The following DLG1 variants were observed in gnomAD, a reference collection of about 807,000 sequenced individuals.
DLG1 encodes disks large homolog 1.
In DLG1, 42 loss-of-function variants were observed where a neutral mutation model predicts 123.4. That is an observed-to-expected ratio of 0.34 (90% CI 0.27 to 0.44). The LOEUF is 0.44. Among genes scored for constraint, DLG1 ranks in the 20% least tolerant of loss-of-function variants. DLG1 has a pLI of 1.00. For synonymous variants in DLG1, 317 were observed against 356.2 expected, an observed-to-expected ratio of 0.89 and a Z score of 1.24; for missense variants, 942 against 1,082.6, an observed-to-expected ratio of 0.87 and a Z score of 1.82.
chr3:197,046,796 G>A (rs1173940517), intron 24 of DLG1, among the ~76,000 whole-genome samples: 1 of 152,108 alleles, frequency 6.6e-6, no homozygotes, highest in East Asian at 1.9e-4. Flanking sequence ...CTTGAGCCTG[G>A]GAGGTGGAGG....
At chr3:197,164,913 G>A (rs1396297110) in intron 5 of DLG1, among the ~76,000 whole-genome samples, 2 of 146,876 alleles carry the variant, frequency 1.4e-5, no homozygotes, top group Admixed American at 6.8e-5. Flanking sequence ...AACAGAGCAA[G>A]ACTATCTCAA....
At chr3:197,213,686 T>G (rs1336475369) in intron 4 of DLG1, among the ~76,000 whole-genome samples, 1 of 152,226 alleles carries the variant, frequency 6.6e-6, no homozygotes, top group East Asian at 1.9e-4. Context: ...GGCCAATCTC[T>G]ATGAAGAAAA....
intron 5 of DLG1, among the ~76,000 whole-genome samples, chr3:197,179,369 C>T (rs367946118): frequency 1.3e-5 from 2 of 152,214 alleles, no homozygotes; most frequent in East Asian, 1.9e-4. Flanking sequence ...GGTCAAAAAA[C>T]TGGTAGTCTC....
At chr3:197,113,834 A>G (rs548807733) in intron 13 of DLG1, among the ~76,000 whole-genome samples, 1 of 152,210 alleles carries the variant, frequency 6.6e-6, no homozygotes, top group East Asian at 1.9e-4. Context: ...TTCAGATTAG[A>G]TATAGATAAG....
At chr3:197,091,583 A>C (rs1190219951) in intron 14 of DLG1, among the ~76,000 whole-genome samples, 1 of 152,040 alleles carries the variant, frequency 6.6e-6, no homozygotes, top group Non-Finnish European at 1.5e-5. Flanking sequence ...ATCAAAATTC[A>C]AGACACAAAA....
intron 14 of DLG1, among the ~76,000 whole-genome samples, chr3:197,095,047 T>C (rs933548710): frequency 6.6e-6 from 1 of 152,228 alleles, no homozygotes. Context: ...GAGACTCCTA[T>C]TACATGCATG....
At chr3:197,290,584 A>G (rs1196456814) in intron 3 of DLG1, among the ~76,000 whole-genome samples, 1 of 152,192 alleles carries the variant, frequency 6.6e-6, no homozygotes, top group Non-Finnish European at 1.5e-5. Context: ...GAAACATCAG[A>G]CAAACCCAAA....
At chr3:197,148,243 T>TAAAAAAAAAAAAAAA (rs1791963536) in intron 6 of DLG1, among the ~76,000 whole-genome samples, 2 of 1,456 alleles carry the variant, frequency 1.4e-3, no homozygotes, top group African/African-American at 6.9e-3. Flanking sequence ...CTACCAAAAA[T>TAAAAAAAAAAAAAAA]ACAAAAAAAA....
At chr3:197,140,518 T>C (rs1040097494) in intron 7 of DLG1, among the ~76,000 whole-genome samples, 16 of 152,210 alleles carry the variant, frequency 1.1e-4, no homozygotes, top group African/African-American at 3.9e-4. Context: ...AGTTCTTTCT[T>C]TAAAAGTATG....
At chr3:197,287,479 GATAAAGAAAA>G (rs1772444305) in intron 3 of DLG1, among the ~76,000 whole-genome samples, 2 of 152,074 alleles carry the variant, frequency 1.3e-5, no homozygotes, top group East Asian at 3.9e-4. Flanking sequence ...GCAGTATATT[GATAAAGAAAA>G]ATATTGATAA....
chr3:197,265,163 A>G (rs745648611), intron 4 of DLG1, among the ~76,000 whole-genome samples: 1 of 152,246 alleles, frequency 6.6e-6, no homozygotes, highest in Non-Finnish European at 1.5e-5. Context: ...TGCTGTTAAA[A>G]GTAATTTAGA....
rs190861737 is a variant in DLG1 at position 197,164,122 on chromosome 3, T to C, written c.484-14326A>G. 2.3e-3 allele frequency among the ~76,000 whole-genome samples: 350 copies of C among 152,076 alleles called. 1 individual carries two copies. Among genetic ancestry groups the C allele is most frequent in the African/African-American group, 8.0e-3 (331 of 41,472 alleles). On this transcript the variant is annotated intron_variant, in intron 5 of 24. Coordinates refer to ENST00000667157, the MANE Select transcript of DLG1 (RefSeq NM_001366207.1). ...AATGTCTAAACTTGGCCAGGCACAG[T>C]GGTTCACACCTGTAATCTCAGCACT... is the stretch of plus-strand genomic sequence containing the variant.
intron 5 of DLG1, among the ~76,000 whole-genome samples, chr3:197,163,925 G>C (rs181221563): frequency 1.3e-5 from 2 of 152,020 alleles, no homozygotes; most frequent in Admixed American, 6.5e-5. Flanking sequence ...GATAAATATT[G>C]CATGATTCCA....
intron 5 of DLG1, among the ~76,000 whole-genome samples, chr3:197,185,854 G>A (rs893246322): frequency 6.6e-6 from 1 of 152,114 alleles, no homozygotes; most frequent in Admixed American, 6.5e-5. Context: ...ACATACAATA[G>A]TAGGCTCTTA....
chr3:197,257,033 A>G (rs1046153697), intron 4 of DLG1, among the ~76,000 whole-genome samples: 8 of 152,222 alleles, frequency 5.3e-5, no homozygotes, highest in African/African-American at 1.9e-4. Context: ...AGCCAACAGT[A>G]GAGGGCAGCA....
rs1170446453 is a variant in DLG1 at position 197,076,638 on chromosome 3, G to C, written c.1953C>G (p.Phe651Leu). ...TCTGGTCCTTGTTCTTGTAGAAGGG[G>C]AATTTTCGGGAAAAGAGGTTCTTTT... ...KRKKNLFSRK[F>L]PFYKNKDQSE... The change falls in exon 18 of 25, where the codon TTC becomes TTG. Residue 651 changes from phenylalanine (F) to leucine (L), a missense_variant. Transcript: ENST00000667157. The C allele has an allele frequency of 6.2e-7, 1 of 1,612,968 alleles. No individual in the cohort carries two copies. Among genetic ancestry groups the C allele is most frequent in the Non-Finnish European group, 8.5e-7 (1 of 1,179,246 alleles).
intron 4 of DLG1, among the ~76,000 whole-genome samples, chr3:197,227,833 C>A (rs1740779508): frequency 6.6e-6 from 1 of 152,232 alleles, no homozygotes; most frequent in African/African-American, 2.4e-5. Flanking sequence ...GTTCTCCAAT[C>A]TAATTACCCT....
intron 5 of DLG1, among the ~76,000 whole-genome samples, chr3:197,179,530 C>T (rs1319525390): frequency 6.6e-6 from 1 of 152,124 alleles, no homozygotes; most frequent in Non-Finnish European, 1.5e-5. Context: ...GAATGTACTG[C>T]GCTATCCTAG....
chr3:197,179,886 A>T (rs1041725179), intron 5 of DLG1, among the ~76,000 whole-genome samples: 3 of 152,098 alleles, frequency 2.0e-5, no homozygotes, highest in African/African-American at 7.2e-5. Context: ...ATGTTTTCCT[A>T]TATTTTTGAC....
Sources: gnomAD v4.1 joint callset for allele counts (sites outside exome capture counted in the v4.1 genomes callset) on GRCh38, gnomAD v4.1.1 for gene constraint, MANE v1.5 for transcripts, NCBI Gene and HGNC (gene_info 2026-07-23, HGNC 2026-07-21) for gene names.